The following CTNND2 variants were observed in gnomAD, a reference collection of about 807,000 sequenced individuals.
The protein encoded by CTNND2 is catenin delta 2.
Under a neutral mutation model 144.4 loss-of-function variants are expected in CTNND2, and 22 were observed. That is an observed-to-expected ratio of 0.15 (90% CI 0.11 to 0.22). The LOEUF (loss-of-function observed/expected upper bound fraction) is 0.22. Ranked by LOEUF, CTNND2 falls within the 10% of genes least tolerant of loss-of-function variation. The pLI is 1.00. For missense variants in CTNND2, 1,353 were observed against 1,618.8 expected, an observed-to-expected ratio of 0.84 and a Z score of 2.82; for synonymous variants, 751 against 695.6, an observed-to-expected ratio of 1.08 and a Z score of -1.25.
At position 11,267,975 on chromosome 5, in the gene CTNND2, C is replaced by A. The variant is rs187987924; in HGVS notation, c.1629-31152G>T. Among the ~76,000 whole-genome samples, 122 of 152,294 alleles carry A rather than the reference C, an allele frequency of 8.0e-4. 2 individuals carry two copies. Among genetic ancestry groups the A allele is most frequent in the African/African-American group, 2.7e-3 (113 of 41,562 alleles). On this transcript the variant is annotated intron_variant, in intron 9 of 21. Coordinates refer to ENST00000304623, the MANE Select transcript of CTNND2 (RefSeq NM_001332.4). ...TTTAATGAGAAAACTAGAAAGGAGGCAGATGGAACAAACCAATGATTGTTG... is the reference window on the plus strand; with the variant it reads ...TTTAATGAGAAAACTAGAAAGGAGGAAGATGGAACAAACCAATGATTGTTG...
At chr5:11,183,042 G>A (rs1735255802) in intron 11 of CTNND2, among the ~76,000 whole-genome samples, 1 of 152,162 alleles carries the variant, frequency 6.6e-6, no homozygotes, top group South Asian at 2.1e-4. Context: ...TTGCCCTTCT[G>A]AGATCACCTG....
At chr5:11,802,904 T>C (rs892112201) in intron 1 of CTNND2, among the ~76,000 whole-genome samples, 1 of 152,220 alleles carries the variant, frequency 6.6e-6, no homozygotes, top group Non-Finnish European at 1.5e-5. Context: ...CCAGATGTCA[T>C]AAACACCAAA....
At chr5:11,052,000 C>T (rs1745886870) in intron 16 of CTNND2, among the ~76,000 whole-genome samples, 2 of 152,158 alleles carry the variant, frequency 1.3e-5, no homozygotes, top group Admixed American at 6.5e-5. Context: ...ACGGTAATCC[C>T]AGTGTTTGTG....
intron 21 of CTNND2, among the ~76,000 whole-genome samples, chr5:10,981,288 C>T (rs1388159709): frequency 6.6e-6 from 1 of 152,256 alleles, no homozygotes; most frequent in East Asian, 1.9e-4. Context: ...TCATGTATTG[C>T]AGAATAATAG....
intron 9 of CTNND2, among the ~76,000 whole-genome samples, chr5:11,337,047 T>C (rs1753806955): frequency 6.6e-6 from 1 of 152,202 alleles, no homozygotes; most frequent in Admixed American, 6.5e-5. Flanking sequence ...CTGTCCTCCA[T>C]GTTCACAATC....
chr5:11,463,761 T>C (rs540454056), intron 3 of CTNND2, among the ~76,000 whole-genome samples: 1 of 152,196 alleles, frequency 6.6e-6, no homozygotes, highest in Admixed American at 6.5e-5. Context: ...CTTATATGCT[T>C]TTAATGACTT....
At chr5:11,282,209 G>A (rs1747220598) in intron 9 of CTNND2, among the ~76,000 whole-genome samples, 1 of 152,104 alleles carries the variant, frequency 6.6e-6, no homozygotes, top group Non-Finnish European at 1.5e-5. Context: ...AGTCAATGCT[G>A]TTGGGTATTG....
intron 16 of CTNND2, among the ~76,000 whole-genome samples, chr5:11,074,927 AG>A (rs1748764859): frequency 1.3e-5 from 2 of 152,218 alleles, no homozygotes; most frequent in African/African-American, 2.4e-5. Context: ...GAAGCTTGAA[AG>A]GATGGCCCTA....
At chr5:11,495,635 C>A (rs1189737802) in intron 3 of CTNND2, among the ~76,000 whole-genome samples, 1 of 152,160 alleles carries the variant, frequency 6.6e-6, no homozygotes, top group South Asian at 2.1e-4. Flanking sequence ...TTATTCTGGG[C>A]ATCTTCACAT....
chr5:11,310,210 C>T (rs1284552814), intron 9 of CTNND2, among the ~76,000 whole-genome samples: 1 of 152,076 alleles, frequency 6.6e-6, no homozygotes, highest in African/African-American at 2.4e-5. Context: ...ATAAAAACAG[C>T]CTCTCACAGA....
chr5:11,743,317 G>T (rs575608683), intron 1 of CTNND2, among the ~76,000 whole-genome samples: 3 of 152,284 alleles, frequency 2.0e-5, no homozygotes, highest in Admixed American at 2.0e-4. Context: ...CATTTGAAAT[G>T]ATACTCCTTT....
intron 1 of CTNND2, among the ~76,000 whole-genome samples, chr5:11,758,910 ACT>A (rs1452577425): frequency 6.6e-6 from 1 of 151,826 alleles, no homozygotes; most frequent in Admixed American, 6.6e-5. Flanking sequence ...AACAGTTACC[ACT>A]CTCTAATACA....
chr5:11,809,674 A>G (rs1792210874), intron 1 of CTNND2, among the ~76,000 whole-genome samples: 1 of 152,198 alleles, frequency 6.6e-6, no homozygotes, highest in Admixed American at 6.6e-5. Context: ...GAACAGGTAA[A>G]GCTCTGTTCT....
chr5:11,613,968 C>G (rs543736432), intron 2 of CTNND2, among the ~76,000 whole-genome samples: 1 of 152,196 alleles, frequency 6.6e-6, no homozygotes, highest in South Asian at 2.1e-4. Flanking sequence ...AATGACATGA[C>G]AGAACTGTAT....
chr5:11,082,352 A>G (rs1749661322), intron 16 of CTNND2, among the ~76,000 whole-genome samples: 1 of 152,250 alleles, frequency 6.6e-6, no homozygotes, highest in Non-Finnish European at 1.5e-5. Flanking sequence ...GAGGGGAAGA[A>G]AAGTAATCCT....
intron 10 of CTNND2, among the ~76,000 whole-genome samples, chr5:11,231,748 G>C (rs1054744044): frequency 8.5e-5 from 13 of 152,248 alleles, no homozygotes; most frequent in Non-Finnish European, 1.5e-5. Flanking sequence ...ATTTGCATAA[G>C]TAACAAGAAG....
chr5:11,554,961 TA>T (rs1313304716), intron 3 of CTNND2, among the ~76,000 whole-genome samples: 28 of 151,104 alleles, frequency 1.9e-4, no homozygotes, highest in South Asian at 4.2e-4. Context: ...GTACATAACA[TA>T]AAAAAATGAA....
At chr5:11,262,952 A>G (rs1045520881) in intron 9 of CTNND2, among the ~76,000 whole-genome samples, 4 of 152,038 alleles carry the variant, frequency 2.6e-5, no homozygotes, top group Non-Finnish European at 4.4e-5. Flanking sequence ...CGTTTAATTT[A>G]TTTACATACA....
At chr5:11,310,794 C>T (rs1047438681) in intron 9 of CTNND2, among the ~76,000 whole-genome samples, 2 of 150,656 alleles carry the variant, frequency 1.3e-5, no homozygotes, top group African/African-American at 4.9e-5. Context: ...ACACACTCCC[C>T]ATACACCCTC....
Sources: allele counts gnomAD v4.1 joint callset (sites outside exome capture counted in the v4.1 genomes callset), GRCh38; gene constraint gnomAD v4.1.1; transcripts MANE v1.5; gene names NCBI Gene and HGNC (gene_info 2026-07-23, HGNC 2026-07-21).